The following CSMD3 variants were observed in gnomAD, a reference collection of about 807,000 sequenced individuals.
CSMD3 encodes the protein CUB and sushi domain-containing protein 3.
In CSMD3, 177 loss-of-function variants were observed where a neutral mutation model predicts 435.2. The ratio of observed to expected loss-of-function variants is 0.41; its 90% CI spans 0.36 to 0.46. The LOEUF (loss-of-function observed/expected upper bound fraction) is 0.46, where lower values mean the gene tolerates loss of function less well. Ranked by LOEUF, CSMD3 falls within the 20% of genes least tolerant of loss-of-function variation. CSMD3 has a pLI of 0.34. For synonymous variants in CSMD3, 1,656 were observed against 1,520.5 expected, an observed-to-expected ratio of 1.09 and a Z score of -2.07; for missense variants, 4,265 against 4,504.6, an observed-to-expected ratio of 0.95 and a Z score of 1.52.
intron 59 of CSMD3, among the ~76,000 whole-genome samples, chr8:112,268,805 G>A (rs1817200404): frequency 6.6e-6 from 1 of 152,114 alleles, no homozygotes; most frequent in Non-Finnish European, 1.5e-5. Flanking sequence ...CAGAAAGAAT[G>A]GCTAAACCAT....
At chr8:113,217,494 A>G (rs573138553) in intron 3 of CSMD3, among the ~76,000 whole-genome samples, 18 of 151,762 alleles carry the variant, frequency 1.2e-4, no homozygotes, top group Admixed American at 4.6e-4. Flanking sequence ...GTTAACAAAT[A>G]ATGAAATTTC....
intron 4 of CSMD3, among the ~76,000 whole-genome samples, chr8:113,126,974 A>G (rs1168088516): frequency 1.3e-5 from 2 of 151,864 alleles, no homozygotes. Context: ...CTTCCAGCAT[A>G]ATCTTACTCA....
chr8:113,402,144 C>G (rs1405713175), intron 1 of CSMD3, among the ~76,000 whole-genome samples: 1 of 151,268 alleles, frequency 6.6e-6, no homozygotes, highest in Non-Finnish European at 1.5e-5. Context: ...TTTATAACAT[C>G]TTTTGAGTCA....
At chr8:113,158,104 C>T (rs1159009753) in intron 4 of CSMD3, among the ~76,000 whole-genome samples, 2 of 151,214 alleles carry the variant, frequency 1.3e-5, no homozygotes, top group East Asian at 3.9e-4. Flanking sequence ...ACATTGCTAC[C>T]AGCACTAAGT....
At chr8:113,371,791 C>T (rs896695587) in intron 1 of CSMD3, among the ~76,000 whole-genome samples, 1 of 152,024 alleles carries the variant, frequency 6.6e-6, no homozygotes, top group Non-Finnish European at 1.5e-5. Flanking sequence ...GATCTACAAA[C>T]GCACTAAACA....
At position 112,313,895 on chromosome 8, in the gene CSMD3, G is replaced by A. The variant is rs2130830094; in HGVS notation, c.7696+11C>T. 2 of 1,603,380 alleles carry A rather than the reference G, an allele frequency of 1.2e-6. No individual in the cohort carries two copies. Among genetic ancestry groups the A allele is most frequent in the African/African-American group, 1.3e-5 (1 of 74,770 alleles). On this transcript the variant is annotated intron_variant, in intron 49 of 70. Transcript: ENST00000297405. ...AGTGAGATCTGTCCTGAAGTTATAA[G>A]TTTTACATACCTATATATCTTATCC... is the stretch of plus-strand genomic sequence containing the variant.
At position 112,501,375 on chromosome 8, in the gene CSMD3, G is replaced by A. The variant is rs538146565; in HGVS notation, c.5083+2415C>T. Among the ~76,000 whole-genome samples the A allele has an allele frequency of 2.1e-5, 3 of 145,464 alleles. No homozygotes were observed. The South Asian group carries it at 6.5e-4, about 31-fold the overall frequency. ...CCGCTGCACTCCGGCCTGAGTGACA[G>A]AGCAAGATTCCATCTCAAGGAAAAA... On this transcript the variant is annotated intron_variant, in intron 30 of 70. Transcript: ENST00000297405.
At chr8:112,628,828 T>C (rs969528373) in intron 22 of CSMD3, among the ~76,000 whole-genome samples, 61 of 152,238 alleles carry the variant, frequency 4.0e-4, no homozygotes, top group African/African-American at 1.5e-3. Flanking sequence ...CTTACCAGAA[T>C]GATTAAATGA....
chr8:112,920,852 T>C (rs2082711935), intron 10 of CSMD3, among the ~76,000 whole-genome samples: 1 of 151,584 alleles, frequency 6.6e-6, no homozygotes, highest in Non-Finnish European at 1.5e-5. Context: ...TAATATTTTC[T>C]TCTATATTTA....
chr8:112,812,091 G>A (rs1044428364), intron 12 of CSMD3, among the ~76,000 whole-genome samples: 1 of 152,154 alleles, frequency 6.6e-6, no homozygotes, highest in African/African-American at 2.4e-5. Flanking sequence ...ATCAGGTGAT[G>A]GCCAGGCAGT....
intron 13 of CSMD3, among the ~76,000 whole-genome samples, chr8:112,720,740 G>T (rs1030470187): frequency 7.9e-5 from 12 of 152,116 alleles, no homozygotes; most frequent in African/African-American, 2.7e-4. Flanking sequence ...AAACGATGTT[G>T]TTGCTTCTTA....
chr8:113,147,918 G>A (rs560399443), intron 4 of CSMD3, among the ~76,000 whole-genome samples: 4 of 151,674 alleles, frequency 2.6e-5, no homozygotes, highest in Admixed American at 1.3e-4. Flanking sequence ...AGCCACTAGT[G>A]TCTCTTGTTT....
At chr8:113,083,077 A>G (rs1212412390) in intron 5 of CSMD3, among the ~76,000 whole-genome samples, 3 of 152,182 alleles carry the variant, frequency 2.0e-5, no homozygotes, top group Non-Finnish European at 2.9e-5. Context: ...CTAGACATCC[A>G]GATCTAGGAA....
In CSMD3 at chr8:112,601,584, G is replaced by T. The variant is rs1832353689; in HGVS notation, c.3716-14349C>A. 6.6e-5 allele frequency among the ~76,000 whole-genome samples: 10 copies of T among 152,298 alleles called. 1 individual carries two copies. The South Asian group carries it at 2.1e-3, about 32-fold the overall frequency. On this transcript the variant is annotated intron_variant, in intron 22 of 70. Coordinates refer to ENST00000297405, the MANE Select transcript of CSMD3 (RefSeq NM_198123.2). ...GTTTAAGGAGATAGATATTGCTTCTGATGAAAAAGTCAGAGAATGCTTCAT... is the reference window on the plus strand; with the variant it reads ...GTTTAAGGAGATAGATATTGCTTCTTATGAAAAAGTCAGAGAATGCTTCAT...
chr8:113,382,300 A>C (rs2094419497), intron 1 of CSMD3, among the ~76,000 whole-genome samples: 1 of 152,192 alleles, frequency 6.6e-6, no homozygotes, highest in Non-Finnish European at 1.5e-5. Context: ...TAAATACTTA[A>C]AACTTGATAA....
chr8:112,717,024 T>A (rs2076746959), intron 13 of CSMD3, among the ~76,000 whole-genome samples: 3 of 152,036 alleles, frequency 2.0e-5, no homozygotes. Flanking sequence ...GATTTCATGA[T>A]GAAAATACCA....
chr8:112,251,015 A>G (rs186745982), intron 63 of CSMD3, among the ~76,000 whole-genome samples: 1 of 151,714 alleles, frequency 6.6e-6, no homozygotes, highest in East Asian at 1.9e-4. Context: ...CATTTTGAAC[A>G]TTCTCAGTAA....
At chr8:112,889,135 A>C (rs2081702521) in intron 10 of CSMD3, among the ~76,000 whole-genome samples, 1 of 151,590 alleles carries the variant, frequency 6.6e-6, no homozygotes, top group Non-Finnish European at 1.5e-5. Flanking sequence ...TTCTCTCCAA[A>C]ACTTTCCCCT....
intron 19 of CSMD3, among the ~76,000 whole-genome samples, chr8:112,649,719 C>T (rs925569922): frequency 6.6e-6 from 1 of 152,144 alleles, no homozygotes; most frequent in Non-Finnish European, 1.5e-5. Flanking sequence ...TCGGAGTAAA[C>T]TACCATAGTG....
Sources: gnomAD v4.1 joint callset for allele counts (sites outside exome capture counted in the v4.1 genomes callset) on GRCh38, gnomAD v4.1.1 for gene constraint, MANE v1.5 for transcripts, NCBI Gene and HGNC (gene_info 2026-07-23, HGNC 2026-07-21) for gene names.